The following TRPV4 variants were observed in gnomAD, a reference collection of about 807,000 sequenced individuals.
TRPV4 encodes OSM9-like transient receptor potential channel 4.
Under a neutral mutation model 84.1 loss-of-function variants are expected in TRPV4, and 58 were observed. That is an observed-to-expected ratio of 0.69 (90% CI 0.56 to 0.86). The LOEUF is 0.86. Ranked by LOEUF, TRPV4 falls within the 40% of genes least tolerant of loss-of-function variation. TRPV4 has a pLI of 0.00. For synonymous variants in TRPV4, 489 were observed against 500.9 expected (o/e 0.98, Z 0.32); for missense variants, 879 against 1,181.1 (o/e 0.74, Z 3.75).
At chr12:109,809,028 A>C (rs1891332649) in intron 2 of TRPV4, among the ~76,000 whole-genome samples, 1 of 145,844 alleles carries the variant, frequency 6.9e-6, no homozygotes. Flanking sequence ...CCATCTACCC[A>C]TCCACCCACC....
intron 5 of TRPV4, among the ~76,000 whole-genome samples, chr12:109,800,153 C>A (rs1023802981): frequency 9.9e-5 from 15 of 152,254 alleles, no homozygotes; most frequent in African/African-American, 3.1e-4. Context: ...TCTTGTTGGC[C>A]AGGCTGGTCT....
intron 6 of TRPV4, among the ~76,000 whole-genome samples, chr12:109,797,601 G>C (rs1031794767): frequency 1.3e-5 from 2 of 152,188 alleles, no homozygotes; most frequent in Non-Finnish European, 2.9e-5. Flanking sequence ...TTACAGACAC[G>C]AGCCACTGAG....
Position 109,794,332 on chromosome 12 carries a change from G to C in TRPV4, c.1488C>G (p.Gly496=). The part of the protein sequence containing the change: ...TLTAYYQPLE[G]TPPYPYRTTV... ...TGCCCGGTCCCCGGGCACTCACTGT[G>C]CCCTCCAGCGGCTGGTAGTAGGCGG... The change falls in exon 8 of 16, where the codon GGC becomes GGG. Residue 496 remains glycine (G), a synonymous_variant. Transcript: ENST00000261740. The C allele has an allele frequency of 6.2e-7, 1 of 1,611,938 alleles. No homozygotes were observed. The highest frequency in any genetic ancestry group is 8.5e-7 in the Non-Finnish European group (1 of 1,180,014).
chr12:109,792,635 G>T lies in TRPV4; in HGVS notation c.1824+17C>A, dbSNP rs1890119108. On this transcript the variant is annotated intron_variant, in intron 11 of 15. Transcript: ENST00000261740. ...CTCCAGGAACACACGAGTCCAGAGG[G>T]TCCTCCCAGCCCGTACCTTCTGGAT... 6.2e-7 allele frequency: 1 copy of T among 1,614,062 alleles called. No individual in the cohort carries two copies.
rs1433300175 is a variant in TRPV4, at chr12:109,814,477, A to G, written c.320T>C (p.Leu107Pro). 3 of 1,614,132 alleles carry G rather than the reference A, an allele frequency of 1.9e-6. No individual in the cohort carries two copies. The highest frequency in any genetic ancestry group is 2.5e-6 in the Non-Finnish European group (3 of 1,179,988). Reference sequence around the variant, plus strand: ...GTGACGATAGGTGCCGTAGTCAAACAGTGAGTCCATGGGTGCTTTCTTGGG... The same window carrying G: ...GTGACGATAGGTGCCGTAGTCAAACGGTGAGTCCATGGGTGCTTTCTTGGG... Reference protein sequence around the residue: ...PGPKKAPMDSLFDYGTYRHHS... With the variant: ...PGPKKAPMDSPFDYGTYRHHS... Residue 107 changes from leucine (L) to proline (P), a missense_variant, in exon 2 of 16, where the codon CTG becomes CCG. By Grantham distance (98) the Leu-to-Pro change is moderately conservative. Around this residue, in one of 4 missense-constraint regions of TRPV4, gnomAD observed 521 missense variants for 686.6 expected, o/e 0.76. Coordinates refer to ENST00000261740, the MANE Select transcript of TRPV4 (RefSeq NM_021625.5). The surrounding 1 kb of genome is among the most constrained non-coding windows in gnomAD (Gnocchi z 5.4).
chr12:109,831,758 T>A (rs145891120), intron 1 of TRPV4, among the ~76,000 whole-genome samples: 67 of 152,344 alleles, frequency 4.4e-4, no homozygotes, highest in African/African-American at 1.6e-3. Context: ...ACCCTTTTTG[T>A]TCAGGCAACC....
chr12:109,828,957 G>T (rs1260101476), intron 1 of TRPV4, among the ~76,000 whole-genome samples: 7 of 152,204 alleles, frequency 4.6e-5, no homozygotes, highest in Admixed American at 2.0e-4. Flanking sequence ...GGCCAAGGCA[G>T]GAGGGTTACT....
At chr12:109,821,361 T>C (rs1194044429) in intron 1 of TRPV4, among the ~76,000 whole-genome samples, 1 of 152,212 alleles carries the variant, frequency 6.6e-6, no homozygotes, top group Non-Finnish European at 1.5e-5. Context: ...TTGCCTAGGC[T>C]GTTCCCTCCG....
intron 1 of TRPV4, among the ~76,000 whole-genome samples, chr12:109,821,979 G>T (rs1892115986): frequency 6.6e-6 from 1 of 152,058 alleles, no homozygotes; most frequent in South Asian, 2.1e-4. Flanking sequence ...GTTTTTTTAG[G>T]CTGTAAGATC....
chr12:109,802,883 G>C, intron 4 of TRPV4, 108 bp downstream of exon 4: 1 of 1,153,204 alleles, frequency 8.7e-7, no homozygotes, highest in Non-Finnish European at 1.3e-6. Context: ...TCAGGTCCTG[G>C]GTACATGCTG....
intron 3 of TRPV4, among the ~76,000 whole-genome samples, chr12:109,803,547 C>T (rs923392379): frequency 1.3e-5 from 2 of 152,090 alleles, no homozygotes; most frequent in South Asian, 2.1e-4. Context: ...GATTCCTGGG[C>T]TCAAGTGATC....
chr12:109,830,518 G>A (rs1170774770), intron 1 of TRPV4, among the ~76,000 whole-genome samples: 2 of 152,164 alleles, frequency 1.3e-5, no homozygotes. Flanking sequence ...TCAAGAGATC[G>A]GAATTAATCT....
intron 2 of TRPV4, 116 bp from the exon 3 acceptor site, chr12:109,808,584 G>T: frequency 1.1e-6 from 1 of 947,700 alleles, no homozygotes; most frequent in East Asian, 2.6e-5. Context: ...AGCCTTACAA[G>T]GAACAGGGTG....
chr12:109,788,604 G>A lies in TRPV4; in HGVS notation c.2004C>T (p.Thr668=). 6.2e-7 allele frequency: 1 copy of A among 1,614,264 alleles called. No individual in the cohort carries two copies. The highest frequency in any genetic ancestry group is 8.5e-7 in the Non-Finnish European group (1 of 1,180,048). ...PSCRDSETFS[T]FLLDLFKLTI... is the part of the protein sequence containing the mutation. ...TCAGCTTAAACAGGTCCAGGAGGAAGGTGCTGAAGGTCTCGCTGTCACGGC... is the reference window on the plus strand; with the variant it reads ...TCAGCTTAAACAGGTCCAGGAGGAAAGTGCTGAAGGTCTCGCTGTCACGGC... Residue 668 remains threonine (T), a synonymous_variant, in exon 13 of 16, where the codon ACC becomes ACT. Coordinates refer to ENST00000261740, the MANE Select transcript of TRPV4 (RefSeq NM_021625.5).
intron 3 of TRPV4, among the ~76,000 whole-genome samples, chr12:109,806,225 C>T (rs1337773913): frequency 6.6e-6 from 1 of 151,768 alleles, no homozygotes; most frequent in East Asian, 1.9e-4. Flanking sequence ...GACAGAGTCT[C>T]GCTCTTTCGC....
In TRPV4 at chr12:109,788,659, GTCTGGTCC is replaced by G; in HGVS notation, c.1941_1948del (p.Glu647AspfsTer13). 1 of 1,614,226 alleles carries G rather than the reference GTCTGGTCC, an allele frequency of 6.2e-7. No homozygotes were observed. The highest frequency in any genetic ancestry group is 8.5e-7 in the Non-Finnish European group (1 of 1,180,052). On this transcript the variant is annotated frameshift_variant, in exon 13 of 16. Coordinates refer to ENST00000261740, the MANE Select transcript of TRPV4 (RefSeq NM_021625.5). LOFTEE classifies it high-confidence loss of function. ...GGGGTAAGTGGGCACTGTGCAGTTG[GTCTGGTCC>G]TCATTGCACACCTTCATGTTGGCAC...
chr12:109,808,383 C>T lies in TRPV4; in HGVS notation c.472G>A (p.Val158Met), dbSNP rs746905653. The T allele has an allele frequency of 4.3e-6, 7 of 1,614,134 alleles. No homozygotes were observed. Among genetic ancestry groups the T allele is most frequent in the Admixed American group, 1.7e-5 (1 of 60,008 alleles). The change falls in exon 3 of 16, where the codon GTG (valine) becomes ATG (methionine). Residue 158 changes from valine to methionine, a missense_variant. Val to Met is a conservative substitution (Grantham distance 21). Coordinates refer to ENST00000261740, the MANE Select transcript of TRPV4 (RefSeq NM_021625.5). ...VFNRPILFDI[V>M]SRGSTADLDG... ...AGGTCAGCAGTGGAGCCCCGGGACA[C>T]GATGTCAAAGAGGATAGGCCGGTTG...
chr12:109,788,315 G>A, intron 13 of TRPV4, 85 bp downstream of exon 13: 1 of 1,332,952 alleles, frequency 7.5e-7, no homozygotes, highest in Non-Finnish European at 1.0e-6. Context: ...GCTCAGAGTG[G>A]AAGGCCGAGG....
At chr12:109,823,749 T>C (rs1892174479) in intron 1 of TRPV4, among the ~76,000 whole-genome samples, 1 of 152,118 alleles carries the variant, frequency 6.6e-6, no homozygotes, top group Non-Finnish European at 1.5e-5. Context: ...CAACTCTGAA[T>C]ACACTAAGAA....
Sources: allele counts gnomAD v4.1 joint callset (sites outside exome capture counted in the v4.1 genomes callset), GRCh38; gene constraint gnomAD v4.1.1; regional missense constraint gnomAD v4.1.1; non-coding constraint Gnocchi (gnomAD v3.1); transcripts MANE v1.5; gene names NCBI Gene and HGNC (gene_info 2026-07-23, HGNC 2026-07-21).